AMPH: variants seen among roughly 807,000 people sequenced by gnomAD.
The protein encoded by AMPH is amphiphysin, also known as amphiphysin (Stiff-Mann syndrome with breast cancer 128kD autoantigen).
In AMPH, 49 loss-of-function variants were observed where a neutral mutation model predicts 99.1. The observed-to-expected ratio is 0.49, with a 90% confidence interval of 0.39 to 0.63. The LOEUF is 0.63. Among genes scored for constraint, AMPH ranks in the 20% least tolerant of loss-of-function variants. The probability of loss-of-function intolerance (pLI) is 0.00; values close to 1 mark genes in which losing one functional copy is unlikely to be tolerated. For synonymous variants in AMPH, 314 were observed against 317.3 expected, an observed-to-expected ratio of 0.99 and a Z score of 0.11; for missense variants, 759 against 863.4, an observed-to-expected ratio of 0.88 and a Z score of 1.52.
chr7:38,494,618 T>C (rs1288544391), intron 3 of AMPH, 91 bp from the exon 4 acceptor site: 8 of 1,110,148 alleles, frequency 7.2e-6, no homozygotes, highest in South Asian at 1.3e-5. Flanking sequence ...GAGAAAAATA[T>C]TGTACTTGCT....
At chr7:38,401,956 T>C (rs190379590) in intron 17 of AMPH, among the ~76,000 whole-genome samples, 6 of 152,154 alleles carry the variant, frequency 3.9e-5, no homozygotes, top group Non-Finnish European at 5.9e-5. Flanking sequence ...GTATCTTCAC[T>C]CCTTGGTCCC....
intron 4 of AMPH, among the ~76,000 whole-genome samples, chr7:38,493,240 CATCAA>C (rs1163843099): frequency 6.6e-6 from 1 of 152,172 alleles, no homozygotes; most frequent in Non-Finnish European, 1.5e-5. Context: ...CTGGCTGCCA[CATCAA>C]ATTTAGGTCG....
intron 7 of AMPH, among the ~76,000 whole-genome samples, chr7:38,471,110 C>CA (rs1394704698): frequency 6.6e-6 from 1 of 152,134 alleles, no homozygotes; most frequent in Non-Finnish European, 1.5e-5. Context: ...TTGTTGAATG[C>CA]ATGATAAATG....
At chr7:38,521,769 T>C (rs955905752) in intron 2 of AMPH, among the ~76,000 whole-genome samples, 10 of 152,214 alleles carry the variant, frequency 6.6e-5, no homozygotes, top group Non-Finnish European at 1.5e-4. Flanking sequence ...CAGGAGTCTC[T>C]CTTCCTCTGT....
At chr7:38,425,961 T>C (rs1273337343) in intron 15 of AMPH, among the ~76,000 whole-genome samples, 1 of 152,224 alleles carries the variant, frequency 6.6e-6, no homozygotes, top group Non-Finnish European at 1.5e-5. Flanking sequence ...GAGCCTATCA[T>C]AACCTTTCAA....
chr7:38,447,745 CAGAT>C (rs1349508436), intron 11 of AMPH, among the ~76,000 whole-genome samples: 6 of 125,300 alleles, frequency 4.8e-5, no homozygotes, highest in African/African-American at 1.4e-4. Context: ...TGCAAACAGA[CAGAT>C]AAACACACAC....
intron 10 of AMPH, 89 bp from the exon 11 acceptor site, chr7:38,461,500 G>C: frequency 6.7e-7 from 1 of 1,489,926 alleles, no homozygotes; most frequent in Non-Finnish European, 9.3e-7. Context: ...TACATGGACA[G>C]ATTGAGCTCT....
At chr7:38,500,808 G>C (rs748605872) in intron 3 of AMPH, among the ~76,000 whole-genome samples, 1 of 151,592 alleles carries the variant, frequency 6.6e-6, no homozygotes, top group African/African-American at 2.4e-5. Flanking sequence ...AATTAATGAT[G>C]AGCTCCATCA....
chr7:38,445,241 C>A (rs977258141), intron 11 of AMPH, among the ~76,000 whole-genome samples: 6 of 151,932 alleles, frequency 3.9e-5, no homozygotes, highest in African/African-American at 1.4e-4. Flanking sequence ...AATTCCAACA[C>A]ACACTTTGTA....
intron 1 of AMPH, among the ~76,000 whole-genome samples, chr7:38,538,033 G>A (rs892876315): frequency 2.0e-5 from 3 of 152,130 alleles, no homozygotes; most frequent in Admixed American, 2.0e-4. Context: ...ACTCACATCA[G>A]CAGGCAAAAA....
At chr7:38,389,678 T>G (rs970648796) in intron 20 of AMPH, 126 bp downstream of exon 20, 1 of 760,202 alleles carries the variant, frequency 1.3e-6, no homozygotes. Flanking sequence ...CACAAGCCCT[T>G]AAGCCCTTTT....
chr7:38,596,001 T>C (rs1166147784), intron 1 of AMPH, among the ~76,000 whole-genome samples: 2 of 152,214 alleles, frequency 1.3e-5, no homozygotes, highest in South Asian at 2.1e-4. Context: ...TTTGCTATTA[T>C]GAATAGTGCT....
chr7:38,422,470 T>A lies in AMPH; in HGVS notation c.1223A>T (p.Asp408Val). 1.2e-6 allele frequency: 2 copies of A among 1,613,146 alleles called. No homozygotes were observed. Among genetic ancestry groups the A allele is most frequent in the Non-Finnish European group, 1.7e-6 (2 of 1,179,304 alleles). ...GSFNGFTQPQDTSLFTMQTDQ... is the reference protein window; with the variant it reads ...GSFNGFTQPQVTSLFTMQTDQ... ...TGTCTGCATTGTGAATAATGAAGTA[T>A]CCTGGGGCTGAAAATCAAGGATAAA... Residue 408 changes from aspartate to valine, a missense_variant, in exon 16 of 21, where the codon GAT becomes GTT. Around this residue, in one of 2 missense-constraint regions of AMPH, gnomAD observed 554 missense variants for 575.6 expected, o/e 0.96. Transcript: ENST00000356264.
chr7:38,429,025 G>A (rs1367262903), intron 14 of AMPH: 11 of 1,289,930 alleles, frequency 8.5e-6, no homozygotes, highest in African/African-American at 1.5e-5. Flanking sequence ...GTACCTTCTA[G>A]TGTCTTGATA....
chr7:38,543,676 G>A (rs569699446), intron 1 of AMPH, among the ~76,000 whole-genome samples: 15 of 152,176 alleles, frequency 9.9e-5, no homozygotes, highest in Middle Eastern at 3.4e-3. Flanking sequence ...ATTGATCTCC[G>A]TCATACAGCT....
intron 16 of AMPH, among the ~76,000 whole-genome samples, chr7:38,418,650 C>T (rs1246499626): frequency 6.6e-6 from 1 of 152,150 alleles, no homozygotes; most frequent in African/African-American, 2.4e-5. Context: ...TGTTCAGTCC[C>T]TTTTTCCCTT....
intron 3 of AMPH, among the ~76,000 whole-genome samples, chr7:38,502,945 C>T (rs760676801): frequency 2.0e-5 from 3 of 152,170 alleles, no homozygotes; most frequent in Non-Finnish European, 4.4e-5. Flanking sequence ...TCAGATGATC[C>T]ATTCTTTCCC....
chr7:38,433,582 G>A (rs971570435), intron 12 of AMPH, among the ~76,000 whole-genome samples: 11 of 139,434 alleles, frequency 7.9e-5, no homozygotes, highest in Non-Finnish European at 1.7e-4. Context: ...AAAATTAGCC[G>A]GGCGTAGTGG....
chr7:38,627,189 C>T (rs1268906413), intron 1 of AMPH, among the ~76,000 whole-genome samples: 1 of 151,884 alleles, frequency 6.6e-6, no homozygotes, highest in African/African-American at 2.4e-5. Context: ...GTTTTTTCTT[C>T]CAGAGATAGG....
Sources: allele counts gnomAD v4.1 joint callset (sites outside exome capture counted in the v4.1 genomes callset), GRCh38; gene constraint gnomAD v4.1.1; regional missense constraint gnomAD v4.1.1; transcripts MANE v1.5; gene names NCBI Gene and HGNC (gene_info 2026-07-23, HGNC 2026-07-21).